Variants in MARK2 observed in about 807,000 individuals in gnomAD.
MARK2 encodes the protein microtubule affinity regulating kinase 2.
In MARK2, 16 loss-of-function variants were observed where a neutral mutation model predicts 89.8. That is an observed-to-expected ratio of 0.18 (90% CI 0.12 to 0.27). The LOEUF (loss-of-function observed/expected upper bound fraction) is 0.27. MARK2 is among the 10% of genes least tolerant of loss of function. The pLI is 1.00. For synonymous variants in MARK2, 382 were observed against 399.5 expected, an observed-to-expected ratio of 0.96 and a Z score of 0.52; for missense variants, 621 against 1,049.9, an observed-to-expected ratio of 0.59 and a Z score of 5.65.
chr11:63,904,537 A>G lies in MARK2; in HGVS notation c.1677-249A>G, dbSNP rs969605680. 1.3e-5 allele frequency among the ~76,000 whole-genome samples: 2 copies of G among 151,896 alleles called. No individual in the cohort carries two copies. The highest frequency in any genetic ancestry group is 2.9e-5 in the Non-Finnish European group (2 of 67,952). On this transcript the variant is annotated intron_variant, in intron 15 of 18. Transcript: ENST00000402010. The surrounding 1 kb of genome is among the most constrained non-coding windows in gnomAD (Gnocchi z 6.3). Reference sequence around the variant, plus strand: ...CCAGGGAGCCCGCTGTCTCCAGCCTAAACCACACTCCACACAGGGGTCCTT... The same window carrying G: ...CCAGGGAGCCCGCTGTCTCCAGCCTGAACCACACTCCACACAGGGGTCCTT...
intron 1 of MARK2, among the ~76,000 whole-genome samples, chr11:63,894,597 G>C (rs1288894255): frequency 6.6e-6 from 1 of 152,234 alleles, no homozygotes; most frequent in Admixed American, 6.5e-5. Flanking sequence ...TCGGGAGGCT[G>C]AGGTGGGAGA....
intron 3 of MARK2, 52 bp from the exon 4 acceptor site, chr11:63,898,180 A>G: frequency 6.6e-7 from 1 of 1,509,258 alleles, no homozygotes; most frequent in Non-Finnish European, 9.2e-7. Context: ...GTTTGGAGAG[A>G]CCTGATGGGA....
At chr11:63,892,726 A>ATTTTTT (rs11412283) in intron 1 of MARK2, among the ~76,000 whole-genome samples, 1 of 122,132 alleles carries the variant, frequency 8.2e-6, no homozygotes. Flanking sequence ...CAGACTCTGC[A>ATTTTTT]TTTTTTTTTT....
At chr11:63,872,268 T>C (rs1465689915) in intron 1 of MARK2, among the ~76,000 whole-genome samples, 1 of 152,200 alleles carries the variant, frequency 6.6e-6, no homozygotes, top group Non-Finnish European at 1.5e-5. Flanking sequence ...GCTTCTGCTT[T>C]GCCCTTGGCC....
intron 1 of MARK2, among the ~76,000 whole-genome samples, chr11:63,840,596 T>TA (rs1278292501): frequency 2.0e-5 from 3 of 152,178 alleles, no homozygotes; most frequent in Non-Finnish European, 2.9e-5. Context: ...GCCTGGCACT[T>TA]AGAGTATTTT....
At position 63,865,782 on chromosome 11, in the gene MARK2, T is replaced by C. The variant is rs192918380; in HGVS notation, c.54+26222T>C. Among the ~76,000 whole-genome samples the C allele has an allele frequency of 2.6e-4, 40 of 152,348 alleles. No individual in the cohort carries two copies. The East Asian group carries it at 5.4e-3, about 21-fold the overall frequency. On this transcript the variant is annotated intron_variant, in intron 1 of 18. Coordinates refer to ENST00000402010, the MANE Select transcript of MARK2 (RefSeq NM_001039469.3). ...CTGTTGGGGTGGTTTTGTTGTGCTT[T>C]TTCAAGTAAACAGATAGATTTGGGC...
intron 2 of MARK2, 59 bp downstream of exon 2, chr11:63,895,397 G>A: frequency 6.4e-7 from 1 of 1,555,498 alleles, no homozygotes; most frequent in Admixed American, 1.7e-5. Context: ...ACTCCAGCAG[G>A]TGGTGATGGG....
chr11:63,847,631 A>G (rs547396204), intron 1 of MARK2, among the ~76,000 whole-genome samples: 41 of 152,326 alleles, frequency 2.7e-4, no homozygotes, highest in South Asian at 6.2e-4. Context: ...CTATCTGTCA[A>G]CAACCCCCTT....
At position 63,908,987 on chromosome 11, in the gene MARK2, A is replaced by C. The variant is rs1183476344; in HGVS notation, c.2117A>C (p.Glu706Ala). 1 of 1,576,560 alleles carries C rather than the reference A, an allele frequency of 6.3e-7. No individual in the cohort carries two copies. The highest frequency in any genetic ancestry group is 8.7e-7 in the Non-Finnish European group (1 of 1,151,576). Residue 706 changes from glutamate to alanine, a missense_variant, in exon 19 of 19, where the codon GAG (glutamate) becomes GCG (alanine). Physicochemically the swap from Glu to Ala is moderately radical, Grantham distance 107. Transcript: ENST00000402010. The stretch of plus-strand genomic sequence containing the variant: ...AGTATGAAGACCACGAGCTCCATGG[A>C]GCCCAACGAGATGATGCGGGAGATC... ...TWSMKTTSSM[E>A]PNEMMREIRK...
Position 63,856,337 on chromosome 11 carries a change from T to TTA in MARK2, c.54+16777_54+16778insTA, listed in dbSNP as rs1491576924. Among the ~76,000 whole-genome samples, 7 of 55,116 alleles carry TTA rather than the reference T, an allele frequency of 1.3e-4. No homozygotes were observed. In the South Asian group the frequency reaches 3.8e-3, roughly 30 times the overall value. 36.2% of individuals were successfully genotyped at this position (55,116 alleles called of 152,430 possible). ...TTTTTTTTTGTTTTTTTTTTTTTTT[T>TTA]AAATATATGGCTTGTTTATTCTTTT... On this transcript the variant is annotated intron_variant, in intron 1 of 18. Transcript: ENST00000402010.
At chr11:63,901,842 C>G (rs1590692630) in intron 11 of MARK2, among the ~76,000 whole-genome samples, 1 of 152,060 alleles carries the variant, frequency 6.6e-6, no homozygotes, top group East Asian at 1.9e-4. Flanking sequence ...GCCCTGCTCT[C>G]CCTCTGGTGG....
chr11:63,874,463 C>T (rs1265770499), intron 1 of MARK2, among the ~76,000 whole-genome samples: 1 of 152,072 alleles, frequency 6.6e-6, no homozygotes. Flanking sequence ...CCTAGTTTCC[C>T]CTCCACTCCA....
intron 1 of MARK2, among the ~76,000 whole-genome samples, chr11:63,859,434 C>T (rs1937623714): frequency 6.6e-6 from 1 of 151,866 alleles, no homozygotes; most frequent in Non-Finnish European, 1.5e-5. Context: ...AATTCTCCTG[C>T]CTCAGCCTCC....
intron 1 of MARK2, among the ~76,000 whole-genome samples, chr11:63,892,573 CTG>C (rs1180239999): frequency 6.6e-6 from 1 of 152,152 alleles, no homozygotes; most frequent in Non-Finnish European, 1.5e-5. Context: ...GCCCTCCAGA[CTG>C]TTTCCTTGAA....
At chr11:63,889,241 C>T (rs918242429) in intron 1 of MARK2, among the ~76,000 whole-genome samples, 14 of 152,124 alleles carry the variant, frequency 9.2e-5, no homozygotes, top group Non-Finnish European at 1.9e-4. Flanking sequence ...AGGATGCTCC[C>T]GTGCTACAGT....
chr11:63,863,657 T>G (rs926551804), intron 1 of MARK2, among the ~76,000 whole-genome samples: 3 of 151,668 alleles, frequency 2.0e-5, no homozygotes, highest in Non-Finnish European at 4.4e-5. Context: ...AGACACAGGG[T>G]TTCACCATGT....
chr11:63,874,686 G>T (rs567940663), intron 1 of MARK2, among the ~76,000 whole-genome samples: 1 of 152,288 alleles, frequency 6.6e-6, no homozygotes, highest in South Asian at 2.1e-4. Context: ...CCCTTGACAG[G>T]TTGTTCTAAT....
At chr11:63,846,537 G>A (rs956436299) in intron 1 of MARK2, among the ~76,000 whole-genome samples, 4 of 151,758 alleles carry the variant, frequency 2.6e-5, no homozygotes, top group African/African-American at 7.3e-5. Flanking sequence ...TGTATTTTTA[G>A]TAGAGATGGG....
chr11:63,868,767 G>A (rs1246588570), intron 1 of MARK2: 1 of 455,868 alleles, frequency 2.2e-6, no homozygotes, highest in East Asian at 6.9e-5. Flanking sequence ...GGTGGGCAGA[G>A]GAACACTAGT....
Sources: allele counts gnomAD v4.1 joint callset (sites outside exome capture counted in the v4.1 genomes callset), GRCh38; gene constraint gnomAD v4.1.1; non-coding constraint Gnocchi (gnomAD v3.1); transcripts MANE v1.5; gene names NCBI Gene and HGNC (gene_info 2026-07-23, HGNC 2026-07-21).